BCAS3: variants seen among roughly 807,000 people sequenced by gnomAD.
BCAS3 encodes the protein BCAS4/BCAS3 fusion.
A neutral mutation model predicts 116.1 loss-of-function variants in BCAS3; 53 were observed. The observed-to-expected ratio is 0.46, with a 90% CI of 0.37 to 0.57. BCAS3 has a LOEUF of 0.57. BCAS3 is among the 20% of genes least tolerant of loss of function. The pLI is 0.00. For missense variants in BCAS3, 917 were observed against 1,165.4 expected, an observed-to-expected ratio of 0.79 and a Z score of 3.10; for synonymous variants, 391 against 408.2, an observed-to-expected ratio of 0.96 and a Z score of 0.51.
At position 61,248,934 on chromosome 17, in the gene BCAS3, G is replaced by A. The variant is rs1257792652; in HGVS notation, c.2426-119393G>A. 6.6e-6 allele frequency among the ~76,000 whole-genome samples: 1 copy of A among 152,066 alleles called. No homozygotes were observed. Among genetic ancestry groups the A allele is most frequent in the Non-Finnish European group, 1.5e-5 (1 of 68,018 alleles). ...GCTCTTAAAGATAAGACGTTGTTTA[G>A]ATGAATATATATTCTTTTCCTGTGT... On this transcript the variant is annotated intron_variant, in intron 22 of 23. Coordinates refer to ENST00000407086, the MANE Select transcript of BCAS3 (RefSeq NM_017679.5). The surrounding 1 kb of genome is among the most constrained non-coding windows in gnomAD (Gnocchi z 4.3).
chr17:61,075,087 T>C, intron 20 of BCAS3, 67 bp downstream of exon 20: 1 of 1,297,268 alleles, frequency 7.7e-7, no homozygotes, highest in East Asian at 2.3e-5. Flanking sequence ...TTTATTCTTT[T>C]CCTTAGAGGT....
intron 22 of BCAS3, among the ~76,000 whole-genome samples, chr17:61,303,728 T>C (rs1373110990): frequency 6.6e-6 from 1 of 152,200 alleles, no homozygotes; most frequent in Admixed American, 6.5e-5. Flanking sequence ...CCATCCCTTT[T>C]GTTCCCTTAC....
chr17:60,680,134 C>CA (rs11442352), intron 2 of BCAS3, among the ~76,000 whole-genome samples: 87,414 of 108,270 alleles, frequency 0.81, 36,041 homozygotes, highest in South Asian at 0.92. Context: ...ACTCTGTCTC[C>CA]AAAAAAAAAA....
chr17:61,363,505 G>A lies in BCAS3; in HGVS notation c.2426-4822G>A, dbSNP rs568967624. Among the ~76,000 whole-genome samples, 4 of 151,806 alleles carry A rather than the reference G, an allele frequency of 2.6e-5. No individual in the cohort carries two copies. The highest frequency in any genetic ancestry group is 4.4e-5 in the Non-Finnish European group (3 of 67,988). On this transcript the variant is annotated intron_variant, in intron 22 of 23. Coordinates refer to ENST00000407086, the MANE Select transcript of BCAS3 (RefSeq NM_017679.5). This position sits in a 1 kb window ranked among gnomAD's most constrained non-coding sequence, Gnocchi z 4.9. The stretch of plus-strand genomic sequence containing the variant: ...TCAGTAAGATGGAAACCTATACAAT[G>A]GTGATCATTGTTGCTTCCCATAGTT...
At position 60,763,816 on chromosome 17, in the gene BCAS3, C is replaced by T. The variant is rs576633929; in HGVS notation, c.403+16537C>T. Among the ~76,000 whole-genome samples the T allele has an allele frequency of 3.9e-5, 6 of 152,254 alleles. No individual in the cohort carries two copies. In the South Asian group the frequency reaches 1.2e-3, roughly 32 times the overall value. On this transcript the variant is annotated intron_variant, in intron 6 of 23. Transcript: ENST00000407086. ...CTCTGGTAGAATTTGGCTGTGAAGC[C>T]ATCTGGTCCTGGACTTTTTTTGGTT...
rs77869658 is a variant in BCAS3 at position 60,679,426 on chromosome 17, T to C, written c.-5-27T>C. Reference sequence around the variant, plus strand: ...ACAACGATCCATGTTTTTCTGTTTTTTGTTTGTTTGTTTGTTCTGGAAACA... The same window carrying C: ...ACAACGATCCATGTTTTTCTGTTTTCTGTTTGTTTGTTTGTTCTGGAAACA... On this transcript the variant is annotated intron_variant, in intron 1 of 23. Transcript: ENST00000407086. 40 of 1,526,840 alleles carry C rather than the reference T, an allele frequency of 2.6e-5. No individual in the cohort carries two copies. In the East Asian group the frequency reaches 7.7e-4, roughly 29 times the overall value. 94.6% of individuals were successfully genotyped at this position (1,526,840 alleles called of 1,614,324 possible). A position where few individuals can be genotyped will look rare whatever the true frequency, so the allele number is the denominator to read the frequency against.
chr17:60,920,738 C>T (rs954997666), intron 12 of BCAS3, among the ~76,000 whole-genome samples: 12 of 151,968 alleles, frequency 7.9e-5, no homozygotes, highest in Admixed American at 2.0e-4. Flanking sequence ...GGCGTGGTGG[C>T]GGGTGCCCAT....
intron 10 of BCAS3, among the ~76,000 whole-genome samples, chr17:60,900,938 G>A (rs1423753847): frequency 6.6e-6 from 1 of 152,144 alleles, no homozygotes; most frequent in East Asian, 1.9e-4. Flanking sequence ...GCTGGGCGTG[G>A]TGGCTCACTC....
intron 22 of BCAS3, among the ~76,000 whole-genome samples, chr17:61,092,614 G>A (rs976657004): frequency 2.6e-5 from 4 of 152,058 alleles, no homozygotes; most frequent in African/African-American, 4.8e-5. Flanking sequence ...TTGAGTAATG[G>A]TATTGAGCAT....
At position 61,361,888 on chromosome 17, in the gene BCAS3, T is replaced by C. The variant is rs1011278186; in HGVS notation, c.2426-6439T>C. 2.0e-5 allele frequency: 3 copies of C among 152,112 alleles called. No homozygotes were observed. The allele number at this position is 152,112 out of a possible 1,614,324, so 9.4% of individuals were successfully genotyped here. A position where few individuals can be genotyped will look rare whatever the true frequency, so the allele number is the denominator to read the frequency against. On this transcript the variant is annotated intron_variant, in intron 22 of 23. Coordinates refer to ENST00000407086, the MANE Select transcript of BCAS3 (RefSeq NM_017679.5). The surrounding 1 kb of genome is among the most constrained non-coding windows in gnomAD (Gnocchi z 6.5). Reference sequence around the variant, plus strand: ...TCCGACAGAGAGAACAAATTTGCCTTTCCTCCACCTTTTTAATATATTTAG... The same window carrying C: ...TCCGACAGAGAGAACAAATTTGCCTCTCCTCCACCTTTTTAATATATTTAG...
chr17:61,018,290 G>GTTTTTTT (rs10570881), intron 16 of BCAS3, among the ~76,000 whole-genome samples: 1 of 83,066 alleles, frequency 1.2e-5, no homozygotes, highest in Non-Finnish European at 2.3e-5. Flanking sequence ...AAATTCCCCA[G>GTTTTTTT]TTTTTTTTTT....
At chr17:61,273,518 T>G (rs747813344) in intron 22 of BCAS3, among the ~76,000 whole-genome samples, 17 of 152,142 alleles carry the variant, frequency 1.1e-4, no homozygotes, top group Non-Finnish European at 1.9e-4. Flanking sequence ...CTCACCATTT[T>G]GATGATGATG....
chr17:61,254,332 C>T (rs910930894), intron 22 of BCAS3, among the ~76,000 whole-genome samples: 1 of 152,180 alleles, frequency 6.6e-6, no homozygotes, highest in Non-Finnish European at 1.5e-5. Flanking sequence ...ATGCACATTT[C>T]TTTGCTTAAT....
Position 61,324,502 on chromosome 17 carries a change from A to G in BCAS3, c.2426-43825A>G, listed in dbSNP as rs755139501. ...AGTTCTAGTATATCCTGACTATGGT[A>G]TATCTATATATATCCTGACCCCGGG... On this transcript the variant is annotated intron_variant, in intron 22 of 23. Coordinates refer to ENST00000407086, the MANE Select transcript of BCAS3 (RefSeq NM_017679.5). This position sits in a 1 kb window ranked among gnomAD's most constrained non-coding sequence, Gnocchi z 4.6. Among the ~76,000 whole-genome samples the G allele has an allele frequency of 2.0e-4, 31 of 152,172 alleles. No individual in the cohort carries two copies. The highest frequency in any genetic ancestry group is 5.5e-4 in the African/African-American group (23 of 41,454).
intron 22 of BCAS3, among the ~76,000 whole-genome samples, chr17:61,173,704 C>T (rs1048104346): frequency 6.6e-5 from 10 of 151,846 alleles, no homozygotes; most frequent in Non-Finnish European, 1.5e-5. Flanking sequence ...CATAGGAAGA[C>T]CTCACCTCTA....
intron 21 of BCAS3, among the ~76,000 whole-genome samples, chr17:61,081,905 T>A (rs1221885072): frequency 1.3e-5 from 2 of 152,204 alleles, no homozygotes; most frequent in Non-Finnish European, 2.9e-5. Context: ...TTGTTTAGAT[T>A]TTTTGGGGCT....
At chr17:60,999,056 A>G (rs1029530315) in intron 15 of BCAS3, among the ~76,000 whole-genome samples, 1 of 152,194 alleles carries the variant, frequency 6.6e-6, no homozygotes, top group Admixed American at 6.5e-5. Flanking sequence ...GTTTCTCCAC[A>G]TCATTTATTG....
intron 22 of BCAS3, among the ~76,000 whole-genome samples, chr17:61,268,563 A>G (rs2049957670): frequency 6.6e-6 from 1 of 151,894 alleles, no homozygotes; most frequent in Admixed American, 6.6e-5. Context: ...CCCACCAGTA[A>G]TTGTCTTTCT....
chr17:61,291,223 A>G (rs2052380006), intron 22 of BCAS3, among the ~76,000 whole-genome samples: 1 of 152,246 alleles, frequency 6.6e-6, no homozygotes, highest in African/African-American at 2.4e-5. Flanking sequence ...CAAACAAACA[A>G]ACAAAAGAAA....
Sources: gnomAD v4.1 joint callset for allele counts (sites outside exome capture counted in the v4.1 genomes callset) on GRCh38, gnomAD v4.1.1 for gene constraint, Gnocchi (gnomAD v3.1) non-coding constraint, MANE v1.5 for transcripts, NCBI Gene and HGNC (gene_info 2026-07-23, HGNC 2026-07-21) for gene names.